The following SLCO1A2 variants were observed in gnomAD, a reference collection of about 807,000 sequenced individuals.
The protein encoded by SLCO1A2 is solute carrier organic anion transporter family member 1A2.
SLCO1A2 carries 67 observed loss-of-function variants against 69.0 expected under a neutral mutation model. The ratio of observed to expected loss-of-function variants is 0.97; its 90% CI spans 0.80 to 1.19. The LOEUF (loss-of-function observed/expected upper bound fraction) is 1.19. Among genes scored for constraint, SLCO1A2 ranks in the 50% most tolerant of loss-of-function variants. The probability of loss-of-function intolerance (pLI) is 0.00; values close to 1 mark genes in which losing one functional copy is unlikely to be tolerated. For synonymous variants in SLCO1A2, 260 were observed against 265.9 expected (o/e 0.98, Z 0.22); for missense variants, 787 against 793.7 (o/e 0.99, Z 0.10).
At chr12:21,316,552 CTT>C (rs10679944) in intron 3 of SLCO1A2, among the ~76,000 whole-genome samples, 3 of 145,024 alleles carry the variant, frequency 2.1e-5, no homozygotes, top group African/African-American at 5.1e-5. Context: ...ACTGCTGATA[CTT>C]TTTTTTTTTT....
intron 2 of SLCO1A2, among the ~76,000 whole-genome samples, chr12:21,359,222 C>T (rs1938618931): frequency 6.6e-6 from 1 of 152,160 alleles, no homozygotes; most frequent in Non-Finnish European, 1.5e-5. Context: ...TAACAACCTT[C>T]TCTAACCCTA....
chr12:21,295,675 TC>T lies in SLCO1A2; in HGVS notation c.1192del (p.Glu398SerfsTer11), dbSNP rs1947608917. The T allele has an allele frequency of 6.2e-7, 1 of 1,607,416 alleles. No individual in the cohort carries two copies. Among genetic ancestry groups the T allele is most frequent in the African/African-American group, 1.3e-5 (1 of 74,762 alleles). On this transcript the variant is annotated frameshift_variant, in exon 10 of 15. Transcript: ENST00000683939. LOFTEE classifies it high-confidence loss of function. ...AAAAGATAAAAAATAGAGAAGATAC[TC>T]AAGTAAGGATAACCAACATCCTATG... ...AHIGCWLSLLEYLLYFLSFLM... is the reference protein window; with the variant it reads ...AHIGCWLSLLXYLLYFLSFLM...
chr12:21,381,482 G>C (rs915469660), intron 1 of SLCO1A2, among the ~76,000 whole-genome samples: 193 of 152,212 alleles, frequency 1.3e-3, no homozygotes, highest in African/African-American at 4.5e-3. Flanking sequence ...CCTTACTCCT[G>C]CAAGAATGTC....
At position 21,318,372 on chromosome 12, in the gene SLCO1A2, G is replaced by A. The variant is rs113002066; in HGVS notation, c.202+410C>T. 6.3e-3 allele frequency among the ~76,000 whole-genome samples: 966 copies of A among 152,134 alleles called. 5 individuals are homozygous for A. The highest frequency in any genetic ancestry group is 0.021 in the African/African-American group (872 of 41,512). On this transcript the variant is annotated intron_variant, in intron 3 of 14. Transcript: ENST00000683939. ...CTGACCTCGTGATCCACCCATCTCC[G>A]CCTCCCAAAGTGCTGGGAGTACAGG...
At chr12:21,387,539 T>C (rs11046007) in intron 1 of SLCO1A2, among the ~76,000 whole-genome samples, 15,864 of 152,152 alleles carry the variant, frequency 0.1, 1,081 homozygotes, top group East Asian at 0.38. Context: ...GCAGCTTCCG[T>C]ATGGTATTGA....
intron 1 of SLCO1A2, among the ~76,000 whole-genome samples, chr12:21,401,948 T>C (rs1386489025): frequency 6.6e-6 from 1 of 151,550 alleles, no homozygotes; most frequent in Non-Finnish European, 1.5e-5. Context: ...GTATAGCTTC[T>C]TTAGTAAATG....
chr12:21,418,778 T>G (rs1024196058), upstream of SLCO1A2, among the ~76,000 whole-genome samples: 3 of 152,050 alleles, frequency 2.0e-5, no homozygotes, highest in African/African-American at 7.2e-5. Context: ...TATACAAACT[T>G]AAAGAAGTAA....
chr12:21,397,360 A>C (rs1051749982), upstream of SLCO1A2, among the ~76,000 whole-genome samples: 88 of 152,242 alleles, frequency 5.8e-4, no homozygotes, highest in Admixed American at 3.0e-3. Context: ...CAGGAGCACC[A>C]AGATTCATAA....
intron 1 of SLCO1A2, chr12:21,378,650 A>G (rs558235233): frequency 4.2e-6 from 2 of 478,256 alleles, no homozygotes; most frequent in African/African-American, 3.8e-5. Context: ...ATAGATTTGT[A>G]TTTTAAAACA....
chr12:21,384,690 A>G (rs1033709629), intron 1 of SLCO1A2, among the ~76,000 whole-genome samples: 1 of 152,220 alleles, frequency 6.6e-6, no homozygotes, highest in Admixed American at 6.5e-5. Context: ...TAAACTTTTT[A>G]AAACTTGAAA....
intron 1 of SLCO1A2, among the ~76,000 whole-genome samples, chr12:21,409,655 A>C (rs1430098450): frequency 6.6e-6 from 1 of 152,224 alleles, no homozygotes; most frequent in African/African-American, 2.4e-5. Flanking sequence ...ACCTATGGCT[A>C]AATGGATAAA....
intron 1 of SLCO1A2, among the ~76,000 whole-genome samples, chr12:21,386,374 TC>T (rs1438227174): frequency 6.6e-6 from 1 of 152,176 alleles, no homozygotes; most frequent in Non-Finnish European, 1.5e-5. Flanking sequence ...TTTGGCTGTG[TC>T]CCCACCAAAA....
At chr12:21,364,753 A>G (rs1939232529) in intron 2 of SLCO1A2, among the ~76,000 whole-genome samples, 1 of 152,216 alleles carries the variant, frequency 6.6e-6, no homozygotes, top group Admixed American at 6.5e-5. Flanking sequence ...TACACCAATA[A>G]CAGACAAACG....
intron 1 of SLCO1A2, among the ~76,000 whole-genome samples, chr12:21,384,492 G>A (rs1384030147): frequency 1.3e-5 from 2 of 151,962 alleles, no homozygotes; most frequent in African/African-American, 2.4e-5. Context: ...TTAGAACAAA[G>A]GTTATCATCA....
chr12:21,318,902 A>G lies in SLCO1A2; in HGVS notation c.82T>C (p.Cys28Arg), dbSNP rs1000758726. ...GACAGTGTTTTGGATACAAATGCAC[A>G]TGTTATTGCCAACAGAAACATCTAG... is the stretch of plus-strand genomic sequence containing the variant. Reference protein sequence around the residue: ...KLKMFLLAITCAFVSKTLSGS... With the variant: ...KLKMFLLAITRAFVSKTLSGS... The change falls in exon 3 of 15, where the codon TGT (cysteine) becomes CGT (arginine). Residue 28 changes from cysteine to arginine, a missense_variant. By Grantham distance (180) the Cys-to-Arg change is radical (BLOSUM62 -3). Transcript: ENST00000683939. 1.1e-5 allele frequency: 18 copies of G among 1,590,546 alleles called. No individual in the cohort carries two copies. The highest frequency in any genetic ancestry group is 2.7e-5 in the African/African-American group (2 of 73,712).
intron 12 of SLCO1A2, among the ~76,000 whole-genome samples, chr12:21,283,014 G>A (rs368233814): frequency 1.9e-3 from 290 of 152,206 alleles, no homozygotes; most frequent in African/African-American, 6.6e-3. Flanking sequence ...GCAATCTACA[G>A]ATTTGATGCT....
At chr12:21,288,885 G>T (rs1946388847) in intron 12 of SLCO1A2, among the ~76,000 whole-genome samples, 1 of 150,744 alleles carries the variant, frequency 6.6e-6, no homozygotes, top group Non-Finnish European at 1.5e-5. Flanking sequence ...TTTATTTTAT[G>T]TATAATTTTA....
chr12:21,348,626 C>G (rs969890397), intron 2 of SLCO1A2, among the ~76,000 whole-genome samples: 1 of 152,160 alleles, frequency 6.6e-6, no homozygotes, highest in African/African-American at 2.4e-5. Flanking sequence ...CCCTTGGCTT[C>G]TATAACACCA....
chr12:21,352,796 T>C (rs186901057), intron 2 of SLCO1A2, among the ~76,000 whole-genome samples: 212 of 152,340 alleles, frequency 1.4e-3, no homozygotes, highest in Middle Eastern at 3.4e-3. Flanking sequence ...GTTTAGTTCA[T>C]TGTTTGGTTG....
Sources: gnomAD v4.1 joint callset for allele counts (sites outside exome capture counted in the v4.1 genomes callset) on GRCh38, gnomAD v4.1.1 for gene constraint, MANE v1.5 for transcripts, NCBI Gene and HGNC (gene_info 2026-07-23, HGNC 2026-07-21) for gene names.